REPS2: variants seen among roughly 807,000 people sequenced by gnomAD.
REPS2 encodes RALBP1 associated Eps domain containing 2.
A neutral mutation model predicts 53.6 loss-of-function variants in REPS2; 23 were observed. That is an observed-to-expected ratio of 0.43 (90% CI 0.31 to 0.61). The LOEUF is 0.61. Among genes scored for constraint, REPS2 ranks in the 20% least tolerant of loss-of-function variants. REPS2 has a pLI of 0.11. For missense variants in REPS2, 446 were observed against 534.9 expected (o/e 0.83, Z 1.64); for synonymous variants, 238 against 218.6 (o/e 1.09, Z -0.78).
the REPS2 span, among the ~76,000 whole-genome samples, chrX:17,169,620 T>C: frequency 8.9e-6 from 1 of 111,918 alleles, no homozygotes; most frequent in Non-Finnish European, 1.9e-5. Context: ...AAGTTGAGGC[T>C]CTAGTGAGCT....
intron 2 of REPS2, among the ~76,000 whole-genome samples, chrX:17,017,872 A>G (rs964409118): frequency 9.0e-6 from 1 of 111,553 alleles, no homozygotes; most frequent in African/African-American, 3.3e-5. Context: ...TAAAATATAC[A>G]TGGGAGTTTG....
At chrX:17,056,477 C>A (rs1211025327) in intron 8 of REPS2, among the ~76,000 whole-genome samples, 1 of 111,649 alleles carries the variant, frequency 9.0e-6, no homozygotes, top group Non-Finnish European at 1.9e-5. Flanking sequence ...ATCATGAGGT[C>A]AGGAGATCGA....
Position 17,147,537 on chromosome X carries a change from G to A in REPS2, c.*56G>A, listed in dbSNP as rs2063529290. ...CCTTGTCTGCCAAGATCTTTCTTTT[G>A]AATGTTTTGAACCCAACTACTTGTC... On this transcript the variant is annotated 3_prime_UTR_variant, in exon 18 of 18. Coordinates refer to ENST00000357277, the MANE Select transcript of REPS2 (RefSeq NM_004726.3). The A allele has an allele frequency of 1.0e-6, 1 of 978,723 alleles. No homozygotes were observed. The highest frequency in any genetic ancestry group is 1.9e-5 in the African/African-American group (1 of 52,715). The allele number at this position is 978,723 out of a possible 1,213,427, so 80.7% of individuals were successfully genotyped here. A position where few individuals can be genotyped will look rare whatever the true frequency, so the allele number is the denominator to read the frequency against.
chrX:17,064,195 A>G (rs1344330213), intron 9 of REPS2, among the ~76,000 whole-genome samples: 2 of 110,460 alleles, frequency 1.8e-5, no homozygotes, highest in Non-Finnish European at 3.8e-5. Flanking sequence ...TGAGGATGCT[A>G]TGGTTTTAGA....
intron 1 of REPS2, among the ~76,000 whole-genome samples, chrX:16,963,559 C>T (rs191210518): frequency 8.9e-6 from 1 of 112,258 alleles, no homozygotes; most frequent in East Asian, 2.8e-4. Flanking sequence ...TTTTCTCTCT[C>T]AAAATGTAAT....
In REPS2 at chrX:17,014,545, A is replaced by T. The variant is rs373777428; in HGVS notation, c.398-7578A>T. Among the ~76,000 whole-genome samples, 7 of 106,351 alleles carry T rather than the reference A, an allele frequency of 6.6e-5. No homozygotes were observed. The East Asian group carries it at 1.2e-3, about 18-fold the overall frequency. The allele number at this position is 106,351 out of a possible 115,157, so 92.4% of individuals were successfully genotyped here. ...GGCCTGGGTTGATAAGACTGGCCTG[A>T]TTTTTTTTTTTGTTTTGTTTTTTGT... On this transcript the variant is annotated intron_variant, in intron 2 of 17. Transcript: ENST00000357277.
At chrX:16,969,767 AGAGAGG>A (rs1387619835) in intron 1 of REPS2, among the ~76,000 whole-genome samples, 10 of 63,733 alleles carry the variant, frequency 1.6e-4, no homozygotes, top group Non-Finnish European at 2.1e-4. Flanking sequence ...AGGGAGAGGG[AGAGAGG>A]GAGAGGGAGA....
chrX:17,146,813 C>CA (rs1314036025), intron 17 of REPS2, among the ~76,000 whole-genome samples: 3 of 111,765 alleles, frequency 2.7e-5, no homozygotes, highest in African/African-American at 9.8e-5. Context: ...CTCTTCCTGC[C>CA]AAAAAAATCC....
chrX:16,992,513 A>G (rs780493915), intron 1 of REPS2, among the ~76,000 whole-genome samples: 2 of 112,072 alleles, frequency 1.8e-5, no homozygotes, highest in African/African-American at 6.5e-5. Flanking sequence ...TTCCAGTGAA[A>G]AGATCTCGCT....
rs1602464361 is a variant in REPS2, at chrX:16,946,689, C to T, written c.-173C>T. On this transcript the variant is annotated 5_prime_UTR_variant, in exon 1 of 18. Transcript: ENST00000357277. ...CAAGCCCGGGGGTGGGGCCGGCGCG[C>T]GCCGGGAGGAAGCGGCCGCGCGGCA... The T allele has an allele frequency of 2.2e-6, 1 of 446,387 alleles. No individual in the cohort carries two copies. Among genetic ancestry groups the T allele is most frequent in the Non-Finnish European group, 2.8e-6 (1 of 361,915 alleles). 36.8% of individuals were successfully genotyped at this position (446,387 alleles called of 1,213,427 possible). A position where few individuals can be genotyped will look rare whatever the true frequency, so the allele number is the denominator to read the frequency against.
chrX:17,155,957 G>A (rs1161165309), downstream of REPS2, among the ~76,000 whole-genome samples: 1 of 111,912 alleles, frequency 8.9e-6, no homozygotes, highest in Non-Finnish European at 1.9e-5. Context: ...AATAAAGAGT[G>A]TGGAAATGAA....
At chrX:17,068,377 A>G (rs769349139) in intron 9 of REPS2, 25 bp from the exon 10 acceptor site, 10 of 1,160,952 alleles carry the variant, frequency 8.6e-6, no homozygotes, top group Middle Eastern at 2.4e-4. Flanking sequence ...AACCAGTTTA[A>G]TTCATTTACT....
rs1440559561 is a variant in REPS2 at position 17,138,939 on chromosome X, G to A, written c.1892G>A (p.Ser631Asn). 8.4e-7 allele frequency: 1 copy of A among 1,192,546 alleles called. No homozygotes were observed. The highest frequency in any genetic ancestry group is 3.0e-5 in the East Asian group (1 of 33,419). Residue 631 changes from serine (S) to asparagine (N), a missense_variant, in exon 17 of 18, where the codon AGT becomes AAT. Physicochemically the swap from Ser to Asn is conservative, Grantham distance 46 (BLOSUM62 1). Coordinates refer to ENST00000357277, the MANE Select transcript of REPS2 (RefSeq NM_004726.3). ...AACGCAGTGCTGGCTCGGCTGAACA[G>A]TGAGCTCCAGCAGCAGCTCAAGGTA... ...EANAVLARLNSELQQQLKEVH... is the reference protein window; with the variant it reads ...EANAVLARLNNELQQQLKEVH...
intron 5 of REPS2, among the ~76,000 whole-genome samples, chrX:17,038,387 T>C (rs2061792186): frequency 8.9e-6 from 1 of 112,011 alleles, no homozygotes; most frequent in African/African-American, 3.2e-5. Context: ...GAGTGTTTCC[T>C]GTAGAGGTAA....
chrX:17,028,045 C>A (rs1035322045), intron 4 of REPS2, among the ~76,000 whole-genome samples: 8 of 111,139 alleles, frequency 7.2e-5, no homozygotes, highest in African/African-American at 2.6e-4. Flanking sequence ...CAAAAAAGGC[C>A]CCCCATGCAG....
At chrX:17,086,020 T>C (rs1285764932) in intron 13 of REPS2, among the ~76,000 whole-genome samples, 1 of 112,218 alleles carries the variant, frequency 8.9e-6, no homozygotes, top group East Asian at 2.8e-4. Context: ...ACATGCACAT[T>C]GCACTTGTTT....
chrX:17,083,243 C>A (rs1392546660), intron 13 of REPS2, among the ~76,000 whole-genome samples: 2 of 109,762 alleles, frequency 1.8e-5, no homozygotes, highest in African/African-American at 6.7e-5. Context: ...TGCCACCACG[C>A]CCTGCTAATT....
the REPS2 span, among the ~76,000 whole-genome samples, chrX:17,162,947 G>C: frequency 8.9e-6 from 1 of 112,049 alleles, no homozygotes; most frequent in Non-Finnish European, 1.9e-5. Flanking sequence ...AGTTTGTAAT[G>C]ACAAATTATA....
At chrX:17,078,970 C>T (rs1456171919) in intron 13 of REPS2, among the ~76,000 whole-genome samples, 1 of 112,239 alleles carries the variant, frequency 8.9e-6, no homozygotes, top group Non-Finnish European at 1.9e-5. Context: ...TAAACATAAT[C>T]CAAATATGGG....
Sources: gnomAD v4.1 joint callset for allele counts (sites outside exome capture counted in the v4.1 genomes callset) on GRCh38, gnomAD v4.1.1 for gene constraint, MANE v1.5 for transcripts, NCBI Gene and HGNC (gene_info 2026-07-23, HGNC 2026-07-21) for gene names.